The following CLOCK variants were observed in gnomAD, a reference collection of about 807,000 sequenced individuals.
CLOCK encodes clock circadian regulator, also known as circadian locomoter output cycles protein kaput.
In CLOCK, 43 loss-of-function variants were observed where a neutral mutation model predicts 118.4. The observed-to-expected ratio is 0.36, with a 90% CI of 0.28 to 0.47. CLOCK has a LOEUF of 0.47. Among genes scored for constraint, CLOCK ranks in the 20% least tolerant of loss-of-function variants. CLOCK has a pLI of 1.00. For synonymous variants in CLOCK, 326 were observed against 339.2 expected, an observed-to-expected ratio of 0.96 and a Z score of 0.43; for missense variants, 846 against 999.9, an observed-to-expected ratio of 0.85 and a Z score of 2.08.
At chr4:55,481,743 C>T (rs139255944) in intron 4 of CLOCK, among the ~76,000 whole-genome samples, 2 of 152,280 alleles carry the variant, frequency 1.3e-5, no homozygotes, top group African/African-American at 4.8e-5. Context: ...GTGCAATAAA[C>T]GCATTAACAA....
At chr4:55,449,558 T>C (rs1724241316) in intron 16 of CLOCK, 62 bp from the exon 17 acceptor site, 1 of 1,351,486 alleles carries the variant, frequency 7.4e-7, no homozygotes, top group African/African-American at 1.5e-5. Flanking sequence ...TAAAGATTAA[T>C]CTCAAAATGT....
intron 1 of CLOCK, among the ~76,000 whole-genome samples, chr4:55,530,308 C>A (rs1369127396): frequency 2.0e-5 from 3 of 152,046 alleles, no homozygotes; most frequent in Non-Finnish European, 2.9e-5. Flanking sequence ...CGTCTTGATG[C>A]TCAACAGAAT....
chr4:55,466,383 A>G (rs1259122812), intron 8 of CLOCK, among the ~76,000 whole-genome samples: 1 of 152,168 alleles, frequency 6.6e-6, no homozygotes, highest in Non-Finnish European at 1.5e-5. Context: ...TTTCCTTTAT[A>G]AACTACCCAG....
chr4:55,543,098 T>C (rs1056453875), intron 1 of CLOCK, among the ~76,000 whole-genome samples: 10 of 152,140 alleles, frequency 6.6e-5, no homozygotes, highest in African/African-American at 2.4e-4. Flanking sequence ...AAAAAAATTT[T>C]GTAGCAAAGA....
At chr4:55,513,739 G>A (rs1248599884) in intron 1 of CLOCK, among the ~76,000 whole-genome samples, 1 of 152,070 alleles carries the variant, frequency 6.6e-6, no homozygotes, top group East Asian at 1.9e-4. Context: ...AAATTGTGAA[G>A]AACTGACACC....
At position 55,438,303 on chromosome 4, in the gene CLOCK, C is replaced by T; in HGVS notation, c.2340G>A (p.Gln780=). The change falls in exon 22 of 23, where the codon CAG becomes CAA. Residue 780 remains glutamine, a synonymous_variant. Transcript: ENST00000513440. ...TTACCTGTAAAAATTGTTGCGGTGG[C>T]TGGGTCAGCTGAGCCTGAGATGGTT... is the stretch of plus-strand genomic sequence containing the variant. ...VQQPSQAQLT[Q]PPQQFLQTSR... 1.2e-6 allele frequency: 2 copies of T among 1,614,106 alleles called. No homozygotes were observed. Among genetic ancestry groups the T allele is most frequent in the South Asian group, 2.2e-5 (2 of 91,082 alleles).
intron 2 of CLOCK, among the ~76,000 whole-genome samples, chr4:55,492,127 A>G (rs1727740831): frequency 6.6e-6 from 1 of 152,188 alleles, no homozygotes; most frequent in South Asian, 2.1e-4. Flanking sequence ...ATGCATATTG[A>G]TGAAAAATTC....
rs1368059483 is a variant in CLOCK at position 55,479,678 on chromosome 4, A to G, written c.69T>C (p.Asp23=). 1.2e-6 allele frequency: 2 copies of G among 1,612,862 alleles called. No individual in the cohort carries two copies. The highest frequency in any genetic ancestry group is 1.7e-6 in the Non-Finnish European group (2 of 1,179,230). ...IVDRDDSSIF[D]GLVEEDDKDK... ...CCTTGTCATCTTCTTCCACCAACCC[A>G]TCAAAAATACTACTGTCATCTCTAA... Residue 23 remains aspartate, a synonymous_variant, in exon 5 of 23, where the codon GAT becomes GAC. Coordinates refer to ENST00000513440, the MANE Select transcript of CLOCK (RefSeq NM_004898.4).
chr4:55,489,895 A>G (rs1522114), intron 2 of CLOCK, among the ~76,000 whole-genome samples: 45,958 of 151,796 alleles, frequency 0.3, 7,577 homozygotes, highest in East Asian at 0.58. Context: ...GGACTGACAC[A>G]AGAAAATGAG....
intron 1 of CLOCK, among the ~76,000 whole-genome samples, chr4:55,537,202 G>GC (rs935799831): frequency 4.1e-4 from 62 of 152,262 alleles, no homozygotes; most frequent in African/African-American, 1.4e-3. Context: ...ACTGGAAACG[G>GC]CCAGGAGTGG....
intron 8 of CLOCK, among the ~76,000 whole-genome samples, chr4:55,470,413 C>T (rs996345233): frequency 2.0e-5 from 3 of 152,102 alleles, no homozygotes; most frequent in Non-Finnish European, 2.9e-5. Context: ...AGCCTAAGTG[C>T]GTAGTAGGTT....
chr4:55,530,299 G>A (rs372930729), intron 1 of CLOCK, among the ~76,000 whole-genome samples: 184 of 152,230 alleles, frequency 1.2e-3, no homozygotes, highest in African/African-American at 4.2e-3. Flanking sequence ...ACATCTTACC[G>A]TCTTGATGCT....
intron 18 of CLOCK, 23 bp downstream of exon 18, chr4:55,448,756 C>T (rs1379317443): frequency 6.3e-7 from 1 of 1,592,712 alleles, no homozygotes; most frequent in African/African-American, 1.3e-5. Flanking sequence ...AAATACGCAA[C>T]TGAAACAAAA....
At chr4:55,464,231 A>G (rs1306676861) in intron 8 of CLOCK, among the ~76,000 whole-genome samples, 1 of 152,206 alleles carries the variant, frequency 6.6e-6, no homozygotes, top group Non-Finnish European at 1.5e-5. Flanking sequence ...TCAATTGTCC[A>G]ATGTGTCCTT....
chr4:55,445,579 A>ATTTTTTTTTTTTTT (rs1191320465), intron 18 of CLOCK, among the ~76,000 whole-genome samples: 1 of 65,516 alleles, frequency 1.5e-5, no homozygotes. Context: ...CTATTTCTAT[A>ATTTTTTTTTTTTTT]TTCTTTTTTT....
At chr4:55,446,098 CTTCTTT>C (rs1723818871) in intron 18 of CLOCK, among the ~76,000 whole-genome samples, 1 of 101,312 alleles carries the variant, frequency 9.9e-6, no homozygotes, top group Admixed American at 1.2e-4. Context: ...AAAAATTTAA[CTTCTTT>C]TTTTTTTTTT....
chr4:55,536,414 G>A (rs1390940396), intron 1 of CLOCK, among the ~76,000 whole-genome samples: 2 of 152,124 alleles, frequency 1.3e-5, no homozygotes, highest in African/African-American at 2.4e-5. Flanking sequence ...GAGGCAACTG[G>A]ATCATGGGGG....
In CLOCK at chr4:55,439,270, A is replaced by G. The variant is rs1224521641; in HGVS notation, c.2106-733T>C. On this transcript the variant is annotated intron_variant, in intron 21 of 22. Transcript: ENST00000513440. ...ATAAGCACATGAAAAGGTGCTCCACATCACTAATCATTAGGGAAATACAAA... is the reference window on the plus strand; with the variant it reads ...ATAAGCACATGAAAAGGTGCTCCACGTCACTAATCATTAGGGAAATACAAA... Among the ~76,000 whole-genome samples the G allele has an allele frequency of 2.6e-5, 4 of 152,216 alleles. No homozygotes were observed. The East Asian group carries it at 7.7e-4, about 29-fold the overall frequency.
intron 18 of CLOCK, 145 bp from the exon 19 acceptor site, chr4:55,444,930 C>T (rs900028211): frequency 1.1e-6 from 1 of 869,800 alleles, no homozygotes; most frequent in Non-Finnish European, 1.8e-6. Flanking sequence ...TCTAATCCAC[C>T]CATCTTTGCT....
Sources: allele counts gnomAD v4.1 joint callset (sites outside exome capture counted in the v4.1 genomes callset), GRCh38; gene constraint gnomAD v4.1.1; transcripts MANE v1.5; gene names NCBI Gene and HGNC (gene_info 2026-07-23, HGNC 2026-07-21).